The following RBFOX1 variants were observed in gnomAD, a reference collection of about 807,000 sequenced individuals.
RBFOX1 encodes the protein RNA binding fox-1 homolog 1.
A neutral mutation model predicts 57.7 loss-of-function variants in RBFOX1; 8 were observed. The observed-to-expected ratio is 0.14, with a 90% CI of 0.08 to 0.25. RBFOX1 has a LOEUF of 0.25. Ranked by LOEUF, RBFOX1 falls within the 10% of genes least tolerant of loss-of-function variation. The probability of loss-of-function intolerance (pLI) is 1.00; values close to 1 mark genes in which losing one functional copy is unlikely to be tolerated. For missense variants in RBFOX1, 611 were observed against 548.5 expected, an observed-to-expected ratio of 1.11 and a Z score of -1.14; for synonymous variants, 326 against 222.4, an observed-to-expected ratio of 1.47 and a Z score of -4.15.
At chr16:5,545,429 A>G (rs1377327663) in intron 2 of RBFOX1, among the ~76,000 whole-genome samples, 2 of 152,228 alleles carry the variant, frequency 1.3e-5, no homozygotes, top group African/African-American at 4.8e-5. Context: ...CTGAAGTCCA[A>G]TATCTATCAT....
At chr16:6,070,695 C>T (rs956844751) in intron 1 of RBFOX1, among the ~76,000 whole-genome samples, 17 of 151,966 alleles carry the variant, frequency 1.1e-4, no homozygotes, top group East Asian at 5.8e-4. Context: ...AACATTTGCT[C>T]ATATGCTGTA....
intron 4 of RBFOX1, among the ~76,000 whole-genome samples, chr16:7,161,340 CT>C (rs1409196943): frequency 1.3e-5 from 2 of 151,884 alleles, no homozygotes. Context: ...GTTCTTTATG[CT>C]TTTAGCATTG....
intron 3 of RBFOX1, among the ~76,000 whole-genome samples, chr16:5,658,353 G>C (rs1418683479): frequency 6.6e-6 from 1 of 152,130 alleles, no homozygotes; most frequent in Non-Finnish European, 1.5e-5. Context: ...AACAAGCTGA[G>C]GGGACCCAGG....
intron 2 of RBFOX1, among the ~76,000 whole-genome samples, chr16:5,592,394 C>CT (rs1456024243): frequency 2.0e-5 from 3 of 151,586 alleles, no homozygotes; most frequent in Non-Finnish European, 4.4e-5. Flanking sequence ...AGGATCTTCA[C>CT]TACCACTCTG....
At chr16:6,775,009 C>T (rs1210789554) in intron 3 of RBFOX1, among the ~76,000 whole-genome samples, 1 of 151,844 alleles carries the variant, frequency 6.6e-6, no homozygotes, top group Non-Finnish European at 1.5e-5. Context: ...AATCTGTGTT[C>T]ATATCTTATA....
intron 1 of RBFOX1, among the ~76,000 whole-genome samples, chr16:5,271,731 A>G (rs1195052410): frequency 6.6e-6 from 1 of 152,150 alleles, no homozygotes; most frequent in Non-Finnish European, 1.5e-5. Flanking sequence ...GTACCCTTTG[A>G]CCAGTGTCTC....
At chr16:6,256,692 C>G (rs1340697612) in intron 1 of RBFOX1, among the ~76,000 whole-genome samples, 1 of 152,260 alleles carries the variant, frequency 6.6e-6, no homozygotes, top group Admixed American at 6.5e-5. Context: ...TTTTAGGACA[C>G]TTCGTAGCAT....
intron 2 of RBFOX1, among the ~76,000 whole-genome samples, chr16:6,609,976 C>T (rs1188876046): frequency 2.0e-5 from 3 of 151,648 alleles, no homozygotes; most frequent in Non-Finnish European, 4.4e-5. Flanking sequence ...CCATTGCACT[C>T]CAGGCCTGGC....
At chr16:6,383,701 CAG>C (rs2092019054) in intron 2 of RBFOX1, among the ~76,000 whole-genome samples, 2 of 151,698 alleles carry the variant, frequency 1.3e-5, no homozygotes, top group South Asian at 4.2e-4. Flanking sequence ...ACCCGGGAGA[CAG>C]AGGTTGCAGT....
At chr16:7,612,463 G>C (rs896504322) in intron 10 of RBFOX1, among the ~76,000 whole-genome samples, 4 of 151,500 alleles carry the variant, frequency 2.6e-5, no homozygotes, top group Non-Finnish European at 5.9e-5. Context: ...AGGAGAAGTA[G>C]ACTCAGAATA....
chr16:6,836,979 G>A (rs1309736947), intron 3 of RBFOX1, among the ~76,000 whole-genome samples: 1 of 152,128 alleles, frequency 6.6e-6, no homozygotes, highest in East Asian at 1.9e-4. Flanking sequence ...TGGGTGGATG[G>A]ATGAATGACT....
At chr16:5,869,515 C>T (rs558292364) in intron 4 of RBFOX1, among the ~76,000 whole-genome samples, 2 of 152,118 alleles carry the variant, frequency 1.3e-5, no homozygotes, top group Admixed American at 1.3e-4. Flanking sequence ...GATTCTCCTG[C>T]CTCAGCCTCC....
In RBFOX1 at chr16:5,573,555, T is replaced by C. The variant is rs770014765; in HGVS notation, c.259-25347T>C. 8.5e-5 allele frequency among the ~76,000 whole-genome samples: 13 copies of C among 152,290 alleles called. 2 individuals carry two copies. In the Middle Eastern group the frequency reaches 0.017, roughly 199 times the overall value. On this transcript the variant is annotated intron_variant, in intron 2 of 2. Transcript: ENST00000585867. ...TCAGCTCCACGGAATGTACCAGAAA[T>C]CAACCTGAGCTTCCTTTAAAGGAGG...
chr16:7,656,918 A>C (rs537449179), intron 12 of RBFOX1, among the ~76,000 whole-genome samples: 24 of 152,286 alleles, frequency 1.6e-4, no homozygotes, highest in Non-Finnish European at 3.1e-4. Flanking sequence ...AACATTTCCT[A>C]AATTGCCACA....
intron 3 of RBFOX1, among the ~76,000 whole-genome samples, chr16:7,015,755 T>C (rs2153663201): frequency 6.6e-6 from 1 of 152,240 alleles, no homozygotes; most frequent in South Asian, 2.1e-4. Context: ...TTTAATAACA[T>C]TTTCTTTTTT....
At chr16:7,676,070 A>AT (rs1205367681) in intron 13 of RBFOX1, among the ~76,000 whole-genome samples, 17 of 152,060 alleles carry the variant, frequency 1.1e-4, no homozygotes, top group Admixed American at 1.1e-3. Context: ...TTCTTTTCAG[A>AT]TTTTTTCTGT....
intron 9 of RBFOX1, among the ~76,000 whole-genome samples, chr16:7,598,841 T>G (rs1459855784): frequency 6.6e-6 from 1 of 152,268 alleles, no homozygotes; most frequent in South Asian, 2.1e-4. Flanking sequence ...GATAAATAGG[T>G]TCAGTCAGAA....
chr16:7,693,396 T>C (rs945389093), intron 14 of RBFOX1: 2 of 1,451,160 alleles, frequency 1.4e-6, no homozygotes, highest in Non-Finnish European at 1.9e-6. Context: ...TCTTGATGCA[T>C]CCATCCAAGT....
intron 3 of RBFOX1, among the ~76,000 whole-genome samples, chr16:5,767,442 A>T (rs897855093): frequency 1.3e-5 from 2 of 152,040 alleles, no homozygotes; most frequent in African/African-American, 4.8e-5. Context: ...AGCTGGGGAG[A>T]GGTGGGTGAA....
Sources: allele counts gnomAD v4.1 joint callset (sites outside exome capture counted in the v4.1 genomes callset), GRCh38; gene constraint gnomAD v4.1.1; transcripts MANE v1.5; gene names NCBI Gene and HGNC (gene_info 2026-07-23, HGNC 2026-07-21).